PAX8: variants seen among roughly 807,000 people sequenced by gnomAD.
The protein encoded by PAX8 is paired box 8.
In PAX8, 15 loss-of-function variants were observed where a neutral mutation model predicts 52.4. The ratio of observed to expected loss-of-function variants is 0.29; its 90% CI spans 0.19 to 0.44. The LOEUF is 0.44. PAX8 is among the 20% of genes least tolerant of loss of function. PAX8 has a pLI of 1.00. For synonymous variants in PAX8, 284 were observed against 249.7 expected (o/e 1.14, Z -1.29); for missense variants, 554 against 602.5 (o/e 0.92, Z 0.84).
At chr2:113,259,925 C>G (rs1415231076) in intron 2 of PAX8, among the ~76,000 whole-genome samples, 1 of 152,216 alleles carries the variant, frequency 6.6e-6, no homozygotes, top group Non-Finnish European at 1.5e-5. Flanking sequence ...ACAGGCAAGG[C>G]AGGTATGGCA....
At chr2:113,255,226 G>T (rs1692137672) in intron 2 of PAX8, among the ~76,000 whole-genome samples, 2 of 95,558 alleles carry the variant, frequency 2.1e-5, no homozygotes, top group East Asian at 8.1e-4. Flanking sequence ...GAGGGGAGGA[G>T]GGAGGGGAGG....
chr2:113,247,611 C>T (rs1490254603), intron 2 of PAX8, among the ~76,000 whole-genome samples: 1 of 152,200 alleles, frequency 6.6e-6, no homozygotes, highest in African/African-American at 2.4e-5. Flanking sequence ...ACAGGGGCTA[C>T]AGGCCACTGT....
Position 113,253,129 on chromosome 2 carries a change from A to T in PAX8, c.26-6210T>A, listed in dbSNP as rs1370738766. 2.0e-5 allele frequency among the ~76,000 whole-genome samples: 3 copies of T among 152,124 alleles called. No individual in the cohort carries two copies. The South Asian group carries it at 6.2e-4, about 31-fold the overall frequency. On this transcript the variant is annotated intron_variant, in intron 2 of 11. Transcript: ENST00000429538. ...ATTTTAGTGACAATCCCATCTCCTG[A>T]TTCCTTATACCTTCAGTCTAGGCTT...
At chr2:113,221,285 T>TCAG (rs199668497) in intron 10 of PAX8, among the ~76,000 whole-genome samples, 2,790 of 152,298 alleles carry the variant, frequency 0.018, 100 homozygotes, top group African/African-American at 0.064. Flanking sequence ...CTGCCAACCC[T>TCAG]GAGACTCAAT....
chr2:113,259,951 G>C (rs540743765), intron 2 of PAX8, among the ~76,000 whole-genome samples: 1 of 152,198 alleles, frequency 6.6e-6, no homozygotes, highest in Admixed American at 6.5e-5. Context: ...TGCCGAACAC[G>C]CGTTTAGATG....
chr2:113,241,778 C>A, intron 6 of PAX8, 52 bp from the exon 7 acceptor site: 2 of 1,595,270 alleles, frequency 1.3e-6, no homozygotes, highest in Non-Finnish European at 1.7e-6. Flanking sequence ...TCTATTCATG[C>A]TCTAGGCCAA....
chr2:113,218,807 G>A (rs928843580), intron 11 of PAX8, among the ~76,000 whole-genome samples, 198 bp from the exon 12 acceptor site: 1 of 152,216 alleles, frequency 6.6e-6, no homozygotes, highest in African/African-American at 2.4e-5. Context: ...TTTCTGGCCA[G>A]AATGAGAACA....
At chr2:113,266,718 T>C (rs1693089729) in intron 2 of PAX8, 1 of 152,222 alleles carries the variant, frequency 6.6e-6, no homozygotes, top group African/African-American at 2.4e-5. Context: ...AAAGTCATAA[T>C]GTGTTGCTAA....
chr2:113,267,710 A>T (rs1693181444), intron 2 of PAX8: 1 of 152,320 alleles, frequency 6.6e-6, no homozygotes, highest in East Asian at 1.9e-4. Flanking sequence ...TCCCAGCTGC[A>T]TTTCTCAGGG....
rs543090198 is a variant in PAX8 at position 113,234,500 on chromosome 2, A to G, written c.1087+894T>C. ...TCTAGAGGCTCCCTCAGGTGCTTCC[A>G]GATTTACTTATTTTTATTTATTTGT... On this transcript the variant is annotated intron_variant, in intron 9 of 11. Coordinates refer to ENST00000429538, the MANE Select transcript of PAX8 (RefSeq NM_003466.4). Among the ~76,000 whole-genome samples, 12 of 152,342 alleles carry G rather than the reference A, an allele frequency of 7.9e-5. No individual in the cohort carries two copies. The South Asian group carries it at 2.5e-3, about 32-fold the overall frequency.
At chr2:113,278,167 A>C (rs1224771072) in intron 2 of PAX8, among the ~76,000 whole-genome samples, 5 of 152,212 alleles carry the variant, frequency 3.3e-5, no homozygotes, top group Non-Finnish European at 5.9e-5. Flanking sequence ...AGGGCGGCTC[A>C]GCTGGCCGGG....
chr2:113,251,488 A>G (rs1321562616), intron 2 of PAX8, among the ~76,000 whole-genome samples: 2 of 152,078 alleles, frequency 1.3e-5, no homozygotes, highest in Non-Finnish European at 2.9e-5. Context: ...GGGGAGGAAG[A>G]CAAGACCGCC....
intron 2 of PAX8, among the ~76,000 whole-genome samples, chr2:113,251,569 G>A (rs1207532593): frequency 1.3e-5 from 2 of 152,196 alleles, no homozygotes; most frequent in Non-Finnish European, 2.9e-5. Flanking sequence ...TGGGGTCAGA[G>A]AGGACTTATC....
At chr2:113,240,073 C>T (rs1276551540) in intron 7 of PAX8, 2 of 152,280 alleles carry the variant, frequency 1.3e-5, no homozygotes, top group Non-Finnish European at 2.9e-5. Context: ...TGTCCAGAGT[C>T]TCATCAGCAG....
chr2:113,245,492 G>A (rs1691241221), intron 3 of PAX8, among the ~76,000 whole-genome samples: 1 of 152,134 alleles, frequency 6.6e-6, no homozygotes, highest in African/African-American at 2.4e-5. Context: ...TTTCTATCAG[G>A]TTTTAGCAGG....
intron 2 of PAX8, among the ~76,000 whole-genome samples, chr2:113,265,197 A>C (rs1692968707): frequency 6.6e-6 from 1 of 152,238 alleles, no homozygotes; most frequent in South Asian, 2.1e-4. Flanking sequence ...AAATCACCGC[A>C]AAACCTGAAG....
intron 2 of PAX8, among the ~76,000 whole-genome samples, chr2:113,252,948 A>C (rs1287831216): frequency 6.6e-6 from 1 of 152,152 alleles, no homozygotes; most frequent in African/African-American, 2.4e-5. Context: ...TTTTCAACTA[A>C]ATTTCTCAAA....
intron 2 of PAX8, 137 bp from the exon 3 acceptor site, chr2:113,247,056 G>A (rs1691383998): frequency 3.7e-6 from 3 of 818,070 alleles, no homozygotes; most frequent in East Asian, 5.3e-5. Context: ...GGCCCTGTGG[G>A]CCCCTCTGCA....
In PAX8 at chr2:113,235,548, G is replaced by T; in HGVS notation, c.933C>A (p.Thr311=). The T allele has an allele frequency of 6.2e-7, 1 of 1,613,698 alleles. No homozygotes were observed. The highest frequency in any genetic ancestry group is 8.5e-7 in the Non-Finnish European group (1 of 1,179,724). ...TGGAGCTAGAACTGGACACCTCGGG[G>T]GTTTCCTGCTTTATGGCGAAGGGTG... ...PHSPFAIKQE[T]PEVSSSSSTP... Residue 311 remains threonine, a synonymous_variant, in exon 9 of 12, where the codon ACC becomes ACA. Transcript: ENST00000429538.
Sources: gnomAD v4.1 joint callset for allele counts (sites outside exome capture counted in the v4.1 genomes callset) on GRCh38, gnomAD v4.1.1 for gene constraint, MANE v1.5 for transcripts, NCBI Gene and HGNC (gene_info 2026-07-23, HGNC 2026-07-21) for gene names.